XAB2: variants seen among roughly 807,000 people sequenced by gnomAD.
XAB2 encodes the protein XPA binding protein 2.
Under a neutral mutation model 113.4 loss-of-function variants are expected in XAB2, and 57 were observed. The ratio of observed to expected loss-of-function variants is 0.50; its 90% CI spans 0.41 to 0.63. XAB2 has a LOEUF of 0.63. Among genes scored for constraint, XAB2 ranks in the 20% least tolerant of loss-of-function variants. XAB2 has a pLI of 0.00. For synonymous variants in XAB2, 497 were observed against 498.8 expected, an observed-to-expected ratio of 1.00 and a Z score of 0.05; for missense variants, 1,037 against 1,233.3, an observed-to-expected ratio of 0.84 and a Z score of 2.38.
chr19:7,619,728 G>A lies in XAB2; in HGVS notation c.2506+19C>T, dbSNP rs371353910. ...CCACCCTGGTAATGCCACCGTCCCC[G>A]CCCCAGCCGGGCCCTCACCGTTGGG... On this transcript the variant is annotated intron_variant, in intron 18 of 18. Transcript: ENST00000358368. 58 of 1,612,782 alleles carry A rather than the reference G, an allele frequency of 3.6e-5. No homozygotes were observed. Among genetic ancestry groups the A allele is most frequent in the Non-Finnish European group, 4.7e-5 (56 of 1,179,526 alleles).
rs2031076806 is a variant in XAB2 at position 7,623,399 on chromosome 19, C to T, written c.1120-110G>A. 8.4e-6 allele frequency: 12 copies of T among 1,432,078 alleles called. 1 individual carries two copies. The highest frequency in any genetic ancestry group is 4.7e-4 in the Middle Eastern group (2 of 4,250). 88.7% of individuals were successfully genotyped at this position (1,432,078 alleles called of 1,614,324 possible). On this transcript the variant is annotated intron_variant, in intron 8 of 18. Coordinates refer to ENST00000358368, the MANE Select transcript of XAB2 (RefSeq NM_020196.3). The surrounding 1 kb of genome is among the most constrained non-coding windows in gnomAD (Gnocchi z 4.6). ...GCCTGGAGGGTGCTGTGGCCCCTGT[C>T]GGGAGAGGCCAGAAACGAACTATGG...
intron 12 of XAB2, chr19:7,621,629 G>A (rs2031036610): frequency 8.1e-6 from 3 of 371,838 alleles, no homozygotes; most frequent in Admixed American, 8.2e-5. Context: ...CCCTGACAGA[G>A]GGGCAGGCAG....
intron 15 of XAB2, 45 bp downstream of exon 15, chr19:7,620,502 G>A (rs763708971): frequency 1.4e-5 from 22 of 1,610,146 alleles, no homozygotes; most frequent in Admixed American, 8.3e-5. Context: ...GGCTGACTCC[G>A]CCGCAGCCCC....
Position 7,621,219 on chromosome 19 carries a change from C to G in XAB2, c.1696G>C (p.Ala566Pro). The G allele has an allele frequency of 1.2e-6, 2 of 1,613,050 alleles. No individual in the cohort carries two copies. Among genetic ancestry groups the G allele is most frequent in the Non-Finnish European group, 1.7e-6 (2 of 1,179,990 alleles). Residue 566 changes from alanine (A) to proline (P), a missense_variant, in exon 13 of 19, where the codon GCC becomes CCC. By Grantham distance (27) the Ala-to-Pro change is conservative. Coordinates refer to ENST00000358368, the MANE Select transcript of XAB2 (RefSeq NM_020196.3). ...TCCAGCTTGCGGCCCCCATAGCGGG[C>G]AATGAATTTGGTCAGGTAGGTGCTC... ...IWSTYLTKFI[A>P]RYGGRKLERA...
rs563873343 is a variant in XAB2, at chr19:7,623,101, C to T, written c.1239+69G>A. On this transcript the variant is annotated intron_variant, in intron 9 of 18. Transcript: ENST00000358368. The surrounding 1 kb of genome is among the most constrained non-coding windows in gnomAD (Gnocchi z 4.6). The stretch of plus-strand genomic sequence containing the variant: ...ATCCATGCACAAATATGTACACACA[C>T]ATACATGCACACATATACAAGCACA... 5.0e-6 allele frequency: 8 copies of T among 1,594,152 alleles called. No individual in the cohort carries two copies. Among genetic ancestry groups the T allele is most frequent in the African/African-American group, 1.3e-5 (1 of 74,854 alleles).
At chr19:7,622,018 A>C (rs1031871786) in intron 12 of XAB2, 1 of 309,142 alleles carries the variant, frequency 3.2e-6, no homozygotes, top group African/African-American at 2.2e-5. Context: ...CACCTAATCC[A>C]TTATGACTGA....
intron 14 of XAB2, 80 bp from the exon 15 acceptor site, chr19:7,620,749 C>A: frequency 6.3e-7 from 1 of 1,586,806 alleles, no homozygotes; most frequent in Non-Finnish European, 8.6e-7. Flanking sequence ...CATCCCTGTG[C>A]TTCCAGAAGG....
chr19:7,620,224 G>A, intron 16 of XAB2, 51 bp downstream of exon 16: 1 of 1,608,646 alleles, frequency 6.2e-7, no homozygotes, highest in Non-Finnish European at 8.5e-7. Flanking sequence ...CCCAGGTCAG[G>A]CCGGGCTGAG....
At chr19:7,620,208 G>C in intron 16 of XAB2, 67 bp downstream of exon 16, 1 of 1,604,538 alleles carries the variant, frequency 6.2e-7, no homozygotes, top group Non-Finnish European at 8.5e-7. Context: ...TCCCAGACCC[G>C]GAAAGCCCAG....
Position 7,624,368 on chromosome 19 carries a change from G to T in XAB2, c.900C>A (p.Ala300=). Reference sequence around the variant, plus strand: ...CAGCGATCATGCTCTCCTCGAACTGGGCGTAGCTGTCAAACACCTGTGTGA... The same window carrying T: ...CAGCGATCATGCTCTCCTCGAACTGTGCGTAGCTGTCAAACACCTGTGTGA... The part of the protein sequence containing the change: ...RDFTQVFDSY[A]QFEESMIAAK... Residue 300 remains alanine, a synonymous_variant, in exon 7 of 19, where the codon GCC becomes GCA. Coordinates refer to ENST00000358368, the MANE Select transcript of XAB2 (RefSeq NM_020196.3). The surrounding 1 kb of genome is among the most constrained non-coding windows in gnomAD (Gnocchi z 4.2). The T allele has an allele frequency of 1.2e-6, 2 of 1,614,164 alleles. No homozygotes were observed. Among genetic ancestry groups the T allele is most frequent in the Non-Finnish European group, 1.7e-6 (2 of 1,180,022 alleles).
chr19:7,619,982 T>C lies in XAB2; in HGVS notation c.2360A>G (p.Gln787Arg). ...EQLAAEAERD[Q>R]PLRAQSKILF... ...GATCTTGCTCTGGGCGCGCAAGGGC[T>C]GGTCACGCTCCGCCTCAGCCGCCAG... The change falls in exon 17 of 19, where the codon CAG becomes CGG. Residue 787 changes from glutamine (Q) to arginine (R), a missense_variant. Gln to Arg is a conservative substitution (Grantham distance 43). Coordinates refer to ENST00000358368, the MANE Select transcript of XAB2 (RefSeq NM_020196.3). 1 of 1,612,300 alleles carries C rather than the reference T, an allele frequency of 6.2e-7. No individual in the cohort carries two copies. The highest frequency in any genetic ancestry group is 8.5e-7 in the Non-Finnish European group (1 of 1,179,952).
At chr19:7,621,094 A>AAACCCCCCCCCCCCCCCCCCCCCCCCC in intron 13 of XAB2, 41 bp downstream of exon 13, 1 of 1,494,430 alleles carries the variant, frequency 6.7e-7, no homozygotes, top group Non-Finnish European at 9.0e-7. Context: ...TCAGAAACCC[A>AAACCCCCCCCCCCCCCCCCCCCCCCCC]GCCCGCCCGC....
At chr19:7,621,381 G>C in intron 12 of XAB2, 84 bp from the exon 13 acceptor site, 1 of 1,529,640 alleles carries the variant, frequency 6.5e-7, no homozygotes, top group Non-Finnish European at 8.9e-7. Flanking sequence ...GGCGTCTGTA[G>C]GGAGCCTGCC....
chr19:7,627,760 AGTT>A lies in XAB2; in HGVS notation c.289_291del (p.Asn97del). 6.2e-7 allele frequency: 1 copy of A among 1,613,762 alleles called. No individual in the cohort carries two copies. Among genetic ancestry groups the A allele is most frequent in the Non-Finnish European group, 8.5e-7 (1 of 1,179,958 alleles). ...ATGAACACAAAGGCCCTCTCATGAC[AGTT>A]GTTGACATCTTCATAGGCAGGGTCG... is the stretch of plus-strand genomic sequence containing the variant. On this transcript the variant is annotated inframe_deletion, in exon 3 of 19. Coordinates refer to ENST00000358368, the MANE Select transcript of XAB2 (RefSeq NM_020196.3). The surrounding 1 kb of genome is among the most constrained non-coding windows in gnomAD (Gnocchi z 4.5).
Position 7,623,020 on chromosome 19 carries a change from A to G in XAB2, c.1240-127T>C. 12 of 1,536,758 alleles carry G rather than the reference A, an allele frequency of 7.8e-6. No individual in the cohort carries two copies. The highest frequency in any genetic ancestry group is 1.1e-5 in the Non-Finnish European group (12 of 1,140,388). On this transcript the variant is annotated intron_variant, in intron 9 of 18. Coordinates refer to ENST00000358368, the MANE Select transcript of XAB2 (RefSeq NM_020196.3). The surrounding 1 kb of genome is among the most constrained non-coding windows in gnomAD (Gnocchi z 4.6). ...AACACACAGGCACACACACAGGCAC[A>G]CACATGCGTGCACATATGCATGCAC...
rs1180775649 is a variant in XAB2, at chr19:7,622,613, C to G, written c.1420G>C (p.Glu474Gln). Residue 474 changes from glutamate to glutamine, a missense_variant, in exon 11 of 19, where the codon GAG becomes CAG. Coordinates refer to ENST00000358368, the MANE Select transcript of XAB2 (RefSeq NM_020196.3). Reference protein sequence around the residue: ...ARRAEYFDGSEPVQNRVYKSL... With the variant: ...ARRAEYFDGSQPVQNRVYKSL... Reference sequence around the variant, plus strand: ...TTGTACACGCGGTTCTGCACGGGCTCTGAACCATCAAAGTACTCGGCCCGG... The same window carrying G: ...TTGTACACGCGGTTCTGCACGGGCTGTGAACCATCAAAGTACTCGGCCCGG... 1 of 1,612,644 alleles carries G rather than the reference C, an allele frequency of 6.2e-7. No individual in the cohort carries two copies. The highest frequency in any genetic ancestry group is 1.1e-5 in the South Asian group (1 of 91,092).
chr19:7,623,121 A>AGCACACACACATGCATGAACACACAG lies in XAB2; in HGVS notation c.1239+23_1239+48dup. Reference sequence around the variant, plus strand: ...ACACACATACATGCACACATATACAAGCACACACACATGCATGAACACACA... The same window carrying AGCACACACACATGCATGAACACACAG: ...ACACACATACATGCACACATATACAAGCACACACACATGCATGAACACACAGGCACACACACATGCATGAACACACA... On this transcript the variant is annotated intron_variant, in intron 9 of 18. Transcript: ENST00000358368. This position sits in a 1 kb window ranked among gnomAD's most constrained non-coding sequence, Gnocchi z 4.6. The AGCACACACACATGCATGAACACACAG allele has an allele frequency of 1.9e-6, 3 of 1,604,966 alleles. No homozygotes were observed. Among genetic ancestry groups the AGCACACACACATGCATGAACACACAG allele is most frequent in the Non-Finnish European group, 2.6e-6 (3 of 1,175,130 alleles).
In XAB2 at chr19:7,619,933, G is replaced by T; in HGVS notation, c.2396+13C>A. ...CTGTCCCAGTCCTGTCCCGTCCAAG[G>T]ATCCGCCCTCACCTCACGAACAGGA... is the stretch of plus-strand genomic sequence containing the variant. On this transcript the variant is annotated intron_variant, in intron 17 of 18. Transcript: ENST00000358368. 6.2e-7 allele frequency: 1 copy of T among 1,610,504 alleles called. No individual in the cohort carries two copies. Among genetic ancestry groups the T allele is most frequent in the Non-Finnish European group, 8.5e-7 (1 of 1,179,898 alleles).
rs1568455752 is a variant in XAB2 at position 7,627,449 on chromosome 19, GT to G, written c.325-10del. On this transcript the variant is annotated splice_polypyrimidine_tract_variant and intron_variant, in intron 3 of 18. Coordinates refer to ENST00000358368, the MANE Select transcript of XAB2 (RefSeq NM_020196.3). This position sits in a 1 kb window ranked among gnomAD's most constrained non-coding sequence, Gnocchi z 4.5. ...AGCCACAGACGAGGCATCTGGGGGT[GT>G]GGGGAGAGGCGGCTGGGGCTAAGCC... 6.2e-7 allele frequency: 1 copy of G among 1,600,046 alleles called. No homozygotes were observed. The highest frequency in any genetic ancestry group is 1.7e-5 in the Admixed American group (1 of 57,680).
Sources: gnomAD v4.1 joint callset for allele counts on GRCh38, gnomAD v4.1.1 for gene constraint, Gnocchi (gnomAD v3.1) non-coding constraint, MANE v1.5 for transcripts, NCBI Gene and HGNC (gene_info 2026-07-23, HGNC 2026-07-21) for gene names.